Variants in RASSF5 observed in about 807,000 individuals in gnomAD.
RASSF5 encodes the protein Ras association domain family member 5, also known as ras association domain-containing protein 5.
Under a neutral mutation model 40.5 loss-of-function variants are expected in RASSF5, and 25 were observed. The observed-to-expected ratio is 0.62, with a 90% CI of 0.45 to 0.86. RASSF5 has a LOEUF of 0.86. RASSF5 is among the 40% of genes least tolerant of loss of function. The probability of loss-of-function intolerance (pLI) is 0.00; values close to 1 mark genes in which losing one functional copy is unlikely to be tolerated. For missense variants in RASSF5, 521 were observed against 572.8 expected, an observed-to-expected ratio of 0.91 and a Z score of 0.92; for synonymous variants, 246 against 252.4, an observed-to-expected ratio of 0.97 and a Z score of 0.24.
chr1:206,547,129 AAAAAG>A (rs1320922718), intron 2 of RASSF5, among the ~76,000 whole-genome samples: 2 of 152,210 alleles, frequency 1.3e-5, no homozygotes, highest in Non-Finnish European at 2.9e-5. Context: ...AAAAATTTTA[AAAAAG>A]AAAAGAAAAG....
intron 2 of RASSF5, among the ~76,000 whole-genome samples, chr1:206,570,088 T>C (rs1553403968): frequency 1.3e-5 from 1 of 76,768 alleles, no homozygotes; most frequent in African/African-American, 5.9e-5. Context: ...CTTTTTTTTT[T>C]TTTTTTTTTT....
At chr1:206,514,445 G>A (rs1456828695) in intron 1 of RASSF5, among the ~76,000 whole-genome samples, 1 of 152,202 alleles carries the variant, frequency 6.6e-6, no homozygotes, top group African/African-American at 2.4e-5. Flanking sequence ...TCATTTTTGT[G>A]TGGCACTGAG....
Position 206,588,224 on chromosome 1 carries a change from G to A in RASSF5, c.*1246G>A, listed in dbSNP as rs979971369. The stretch of plus-strand genomic sequence containing the variant: ...CCAGGAAGTGAACAATGGCGGCGGT[G>A]TGGGAGACAAGGCCAGGAGAGCCCG... On this transcript the variant is annotated 3_prime_UTR_variant, in exon 6 of 6. Transcript: ENST00000579436. 2 of 152,940 alleles carry A rather than the reference G, an allele frequency of 1.3e-5. No individual in the cohort carries two copies. The highest frequency in any genetic ancestry group is 2.4e-5 in the African/African-American group (1 of 41,582). The allele number at this position is 152,940 out of a possible 1,614,324, so 9.5% of individuals were successfully genotyped here.
chr1:206,508,992 C>T (rs1194579337), intron 1 of RASSF5, among the ~76,000 whole-genome samples: 2 of 152,126 alleles, frequency 1.3e-5, no homozygotes, highest in African/African-American at 2.4e-5. Flanking sequence ...ACCCCCACCC[C>T]GGCATTTGCT....
At chr1:206,508,593 A>G (rs1161533372) in intron 1 of RASSF5, among the ~76,000 whole-genome samples, 1 of 152,064 alleles carries the variant, frequency 6.6e-6, no homozygotes, top group East Asian at 1.9e-4. Context: ...AGACCTTGTT[A>G]GATTTTGGAT....
intron 2 of RASSF5, among the ~76,000 whole-genome samples, chr1:206,575,219 G>A (rs1328818036): frequency 3.9e-5 from 6 of 152,138 alleles, no homozygotes; most frequent in Admixed American, 3.9e-4. Flanking sequence ...AGCACCGGGT[G>A]TTTGGGGTGT....
At chr1:206,524,468 A>AAT (rs1375207650) in intron 1 of RASSF5, among the ~76,000 whole-genome samples, 1 of 139,132 alleles carries the variant, frequency 7.2e-6, no homozygotes, top group Non-Finnish European at 1.5e-5. Context: ...TATATATATA[A>AAT]ATATATATAT....
intron 2 of RASSF5, among the ~76,000 whole-genome samples, chr1:206,578,792 G>A (rs782778982): frequency 9.1e-4 from 139 of 152,178 alleles, no homozygotes; most frequent in Admixed American, 4.0e-3. Flanking sequence ...CAGAAGCCAC[G>A]TGACTCACTC....
intron 1 of RASSF5, among the ~76,000 whole-genome samples, chr1:206,523,949 TAA>T (rs536386278): frequency 0.014 from 1,580 of 116,304 alleles, 17 homozygotes; most frequent in African/African-American, 0.043. Context: ...ATTTTATATA[TAA>T]TATATATACC....
chr1:206,529,230 GA>G, intron 1 of RASSF5: 1 of 1,378,706 alleles, frequency 7.3e-7, no homozygotes, highest in East Asian at 2.3e-5. Flanking sequence ...AACAAAGCAA[GA>G]GAAGAAGCAG....
intron 2 of RASSF5, among the ~76,000 whole-genome samples, chr1:206,569,415 CAGAG>C (rs1304260820): frequency 6.6e-6 from 1 of 152,170 alleles, no homozygotes; most frequent in African/African-American, 2.4e-5. Flanking sequence ...TAGCAACCCT[CAGAG>C]AGAAGACATG....
Position 206,507,780 on chromosome 1 carries a change from C to G in RASSF5, c.178C>G (p.Arg60Gly), listed in dbSNP as rs782024454. ...LSTAPGAREG[R>G]SARRAARGNL... ...CACTGCGCCCGGGGCGCGCGAGGGG[C>G]GCAGCGCCCGGAGGGCTGCCCGGGG... The change falls in exon 1 of 6, where the codon CGC becomes GGC. Residue 60 changes from arginine (R) to glycine (G), a missense_variant. Around this residue, in one of 2 missense-constraint regions of RASSF5, gnomAD observed 237 missense variants for 212.0 expected, o/e 1.12. Coordinates refer to ENST00000579436, the MANE Select transcript of RASSF5 (RefSeq NM_182663.4). 31 of 1,391,412 alleles carry G rather than the reference C, an allele frequency of 2.2e-5. No individual in the cohort carries two copies. The highest frequency in any genetic ancestry group is 2.8e-5 in the Non-Finnish European group (30 of 1,083,430). 86.2% of individuals were successfully genotyped at this position (1,391,412 alleles called of 1,614,324 possible). A position where few individuals can be genotyped will look rare whatever the true frequency, so the allele number is the denominator to read the frequency against.
At chr1:206,567,528 G>C (rs1668321229) in intron 2 of RASSF5, among the ~76,000 whole-genome samples, 1 of 152,168 alleles carries the variant, frequency 6.6e-6, no homozygotes, top group Non-Finnish European at 1.5e-5. Flanking sequence ...AAGGGAGCCT[G>C]TCCCTGGGCC....
At chr1:206,556,035 C>A (rs1667975227) in intron 2 of RASSF5, among the ~76,000 whole-genome samples, 2 of 152,180 alleles carry the variant, frequency 1.3e-5, no homozygotes, top group Admixed American at 6.5e-5. Context: ...CCTGATAACC[C>A]CTCTCAGCCA....
intron 2 of RASSF5, among the ~76,000 whole-genome samples, chr1:206,566,763 A>T (rs558082650): frequency 4.6e-5 from 7 of 152,202 alleles, no homozygotes; most frequent in African/African-American, 1.7e-4. Flanking sequence ...TGTAACTCAG[A>T]TGTCCCCTTC....
intron 1 of RASSF5, 38 bp downstream of exon 1, chr1:206,508,097 C>G: frequency 7.6e-7 from 1 of 1,323,262 alleles, no homozygotes; most frequent in Non-Finnish European, 9.7e-7. Context: ...GCGGGGAGAC[C>G]GCAGTCTGGG....
chr1:206,538,354 C>T, intron 2 of RASSF5, 61 bp downstream of exon 2: 2 of 1,600,968 alleles, frequency 1.2e-6, no homozygotes, highest in East Asian at 2.2e-5. Context: ...CCGGGCTCCA[C>T]TTTCTCTCCC....
At chr1:206,525,121 C>T (rs1412622371) in intron 1 of RASSF5, among the ~76,000 whole-genome samples, 3 of 152,186 alleles carry the variant, frequency 2.0e-5, no homozygotes, top group African/African-American at 7.2e-5. Flanking sequence ...ACACACCCAG[C>T]CTGGCCTGGC....
intron 2 of RASSF5, chr1:206,544,492 G>C (rs1667624604): frequency 6.6e-6 from 1 of 152,298 alleles, no homozygotes; most frequent in South Asian, 2.1e-4. Flanking sequence ...TGTTGTCCTG[G>C]ATATAAAACC....
Sources: allele counts gnomAD v4.1 joint callset (sites outside exome capture counted in the v4.1 genomes callset), GRCh38; gene constraint gnomAD v4.1.1; regional missense constraint gnomAD v4.1.1; transcripts MANE v1.5; gene names NCBI Gene and HGNC (gene_info 2026-07-23, HGNC 2026-07-21).